The following NRG1 variants were observed in gnomAD, a reference collection of about 807,000 sequenced individuals.
The protein encoded by NRG1 is pro-neuregulin-1, membrane-bound isoform.
NRG1 carries 18 observed loss-of-function variants against 63.8 expected under a neutral mutation model. The observed-to-expected ratio is 0.28, with a 90% confidence interval of 0.19 to 0.42. The LOEUF is 0.42. Among genes scored for constraint, NRG1 ranks in the 10% least tolerant of loss-of-function variants. The pLI, the probability that NRG1 is intolerant of heterozygous loss-of-function variation, is 1.00. For synonymous variants in NRG1, 302 were observed against 301.3 expected (o/e 1.00, Z -0.02); for missense variants, 762 against 814.7 (o/e 0.94, Z 0.79).
chr8:32,174,226 GCTCCTGAATGA>G (rs1445400875), intron 1 of NRG1, among the ~76,000 whole-genome samples: 3 of 152,136 alleles, frequency 2.0e-5, no homozygotes, highest in African/African-American at 7.2e-5. Context: ...TGAACAACCT[GCTCCTGAATGA>G]CTACTGGGTA....
intron 1 of NRG1, among the ~76,000 whole-genome samples, chr8:31,708,999 T>C (rs1811459329): frequency 6.6e-6 from 1 of 152,198 alleles, no homozygotes; most frequent in Non-Finnish European, 1.5e-5. Context: ...CATGTATTCA[T>C]GACACACGTT....
intron 5 of NRG1, among the ~76,000 whole-genome samples, chr8:32,619,734 C>A (rs1165939710): frequency 1.3e-5 from 2 of 152,276 alleles, no homozygotes; most frequent in South Asian, 2.1e-4. Flanking sequence ...ATTTGATTTT[C>A]TTCTTTGGCT....
At chr8:32,251,531 T>A (rs1849106522) in intron 1 of NRG1, among the ~76,000 whole-genome samples, 1 of 152,196 alleles carries the variant, frequency 6.6e-6, no homozygotes, top group African/African-American at 2.4e-5. Flanking sequence ...TGTGCATGTG[T>A]CTTTATAATA....
chr8:32,528,865 T>C (rs1353948273), intron 1 of NRG1, among the ~76,000 whole-genome samples: 1 of 152,218 alleles, frequency 6.6e-6, no homozygotes, highest in African/African-American at 2.4e-5. Flanking sequence ...GCATGACTAT[T>C]CCAGTCCTGG....
chr8:32,550,236 G>A (rs1339960777), intron 1 of NRG1, among the ~76,000 whole-genome samples: 2 of 152,020 alleles, frequency 1.3e-5, no homozygotes, highest in African/African-American at 4.8e-5. Context: ...CCCTCATGAG[G>A]GTGTATTGAA....
intron 5 of NRG1, among the ~76,000 whole-genome samples, chr8:32,662,500 G>A (rs1184247102): frequency 3.9e-5 from 6 of 152,102 alleles, no homozygotes; most frequent in Admixed American, 3.9e-4. Flanking sequence ...AGTGACCATG[G>A]GACTTGATGC....
At chr8:32,469,839 T>C (rs7842667) in intron 1 of NRG1, among the ~76,000 whole-genome samples, 117,130 of 151,776 alleles carry the variant, frequency 0.77, 45,402 homozygotes, top group East Asian at 0.89. Context: ...TTAATCCACT[T>C]GGTGTGGGAA....
intron 5 of NRG1, among the ~76,000 whole-genome samples, chr8:32,646,551 C>G (rs1377435667): frequency 6.6e-6 from 1 of 152,142 alleles, no homozygotes. Flanking sequence ...ACACCACCCC[C>G]CACCCCATCC....
chr8:32,568,451 A>G (rs1373798375), intron 1 of NRG1, among the ~76,000 whole-genome samples: 1 of 152,218 alleles, frequency 6.6e-6, no homozygotes, highest in Non-Finnish European at 1.5e-5. Flanking sequence ...GTATTATCAA[A>G]TGATGGATGA....
In NRG1 at chr8:32,527,727, C is replaced by G. The variant is rs375314056; in HGVS notation, c.38-68101C>G. Among the ~76,000 whole-genome samples, 19 of 152,178 alleles carry G rather than the reference C, an allele frequency of 1.2e-4. No individual in the cohort carries two copies. In the East Asian group the frequency reaches 1.7e-3, roughly 14 times the overall value. On this transcript the variant is annotated intron_variant, in intron 1 of 10. Transcript: ENST00000519301. ...GAACTCTTGATTTCCTCATCCTTCC[C>G]TGACCTTTACCTAAAAACACACTCT...
At chr8:31,949,913 A>G (rs1803206170) in intron 1 of NRG1, among the ~76,000 whole-genome samples, 1 of 152,222 alleles carries the variant, frequency 6.6e-6, no homozygotes, top group African/African-American at 2.4e-5. Flanking sequence ...CAAGAAAACT[A>G]GAAGTCATCT....
At chr8:31,782,514 A>G (rs1819786261) in intron 1 of NRG1, among the ~76,000 whole-genome samples, 1 of 152,196 alleles carries the variant, frequency 6.6e-6, no homozygotes, top group East Asian at 1.9e-4. Context: ...AGTGACTGAA[A>G]CAATGCCTGA....
intron 1 of NRG1, among the ~76,000 whole-genome samples, chr8:31,934,739 A>G (rs1053156907): frequency 3.9e-5 from 6 of 152,024 alleles, no homozygotes; most frequent in African/African-American, 1.4e-4. Flanking sequence ...TCTCAACTCT[A>G]TCTTTCTATC....
chr8:31,995,185 A>G (rs1811763344), intron 1 of NRG1, among the ~76,000 whole-genome samples: 1 of 151,980 alleles, frequency 6.6e-6, no homozygotes, highest in Non-Finnish European at 1.5e-5. Context: ...AGAGGTCAAT[A>G]TAAGAAATAG....
intron 1 of NRG1, among the ~76,000 whole-genome samples, chr8:32,391,415 T>C (rs1396553514): frequency 6.6e-6 from 1 of 152,144 alleles, no homozygotes; most frequent in Non-Finnish European, 1.5e-5. Flanking sequence ...GTTATATAGA[T>C]AAACTCATGT....
chr8:32,553,591 G>A (rs36213864), intron 1 of NRG1, among the ~76,000 whole-genome samples: 3,360 of 152,216 alleles, frequency 0.022, 49 homozygotes, highest in Middle Eastern at 0.048. Flanking sequence ...GAGGTTTCAA[G>A]CTATGAGAAG....
chr8:31,791,933 G>A (rs991913809), intron 1 of NRG1, among the ~76,000 whole-genome samples: 13 of 152,146 alleles, frequency 8.5e-5, no homozygotes, highest in African/African-American at 3.1e-4. Flanking sequence ...GCTGAGGGAA[G>A]CTTTCTCCCA....
intron 1 of NRG1, among the ~76,000 whole-genome samples, chr8:32,127,031 G>T (rs1487767181): frequency 6.6e-6 from 1 of 151,820 alleles, no homozygotes; most frequent in African/African-American, 2.4e-5. Flanking sequence ...ATGACTAGTT[G>T]GGTTTGGTCT....
chr8:32,548,877 ACTCCTC>A (rs763438338), intron 1 of NRG1, 51 bp downstream of exon 1: 2 of 1,430,294 alleles, frequency 1.4e-6, no homozygotes, highest in East Asian at 2.7e-5. Context: ...TGCTCCTCCT[ACTCCTC>A]CTCCTCCTCG....
Sources: allele counts gnomAD v4.1 joint callset (sites outside exome capture counted in the v4.1 genomes callset), GRCh38; gene constraint gnomAD v4.1.1; transcripts MANE v1.5; gene names NCBI Gene and HGNC (gene_info 2026-07-23, HGNC 2026-07-21).